ABLIM2: variants seen among roughly 807,000 people sequenced by gnomAD.
ABLIM2 encodes actin-binding LIM protein 2.
In ABLIM2, 53 loss-of-function variants were observed where a neutral mutation model predicts 97.7. The ratio of observed to expected loss-of-function variants is 0.54; its 90% CI spans 0.44 to 0.68. ABLIM2 has a LOEUF of 0.68. Among genes scored for constraint, ABLIM2 ranks in the 30% least tolerant of loss-of-function variants. The probability of loss-of-function intolerance (pLI) is 0.00; values close to 1 mark genes in which losing one functional copy is unlikely to be tolerated. For missense variants in ABLIM2, 835 were observed against 867.2 expected (o/e 0.96, Z 0.47); for synonymous variants, 361 against 345.8 (o/e 1.04, Z -0.49).
At chr4:8,154,615 A>G (rs1236305697) in intron 1 of ABLIM2, among the ~76,000 whole-genome samples, 1 of 152,230 alleles carries the variant, frequency 6.6e-6, no homozygotes, top group African/African-American at 2.4e-5. Context: ...TTCTCCTAAC[A>G]TTAGAAATTC....
Position 8,075,295 on chromosome 4 carries a change from G to A in ABLIM2, c.675+2333C>T, listed in dbSNP as rs565002487. 4.6e-5 allele frequency among the ~76,000 whole-genome samples: 7 copies of A among 152,278 alleles called. No individual in the cohort carries two copies. The highest frequency in any genetic ancestry group is 7.2e-5 in the African/African-American group (3 of 41,556). On this transcript the variant is annotated intron_variant, in intron 6 of 20. Coordinates refer to ENST00000447017, the MANE Select transcript of ABLIM2 (RefSeq NM_001130083.2). The surrounding 1 kb of genome is among the most constrained non-coding windows in gnomAD (Gnocchi z 4.4). ...GTGGTTGCCGAGGGCTTGCGGGTAC[G>A]GGGAGTGACAGCTAAAAGGTATGGG...
Position 8,097,215 on chromosome 4 carries a change from G to C in ABLIM2, c.222C>G (p.Asp74Glu), listed in dbSNP as rs779273091. Residue 74 changes from aspartate (D) to glutamate (E), a missense_variant, in exon 3 of 21, where the codon GAC (aspartate) becomes GAG (glutamate). Physicochemically the swap from Asp to Glu is conservative, Grantham distance 45. Coordinates refer to ENST00000447017, the MANE Select transcript of ABLIM2 (RefSeq NM_001130083.2). ...VRQGEYICTL[D>E]YQRLYGTRCF... The stretch of plus-strand genomic sequence containing the variant: ...AGCGGGTGCCGTAGAGCCTCTGGTA[G>C]TCCAGCGTGCAGATGTACTCGCCCT... The C allele has an allele frequency of 4.0e-5, 63 of 1,586,514 alleles. No homozygotes were observed. Among genetic ancestry groups the C allele is most frequent in the Non-Finnish European group, 5.3e-5 (62 of 1,167,286 alleles).
chr4:8,010,685 CT>C, intron 14 of ABLIM2: 1 of 748,002 alleles, frequency 1.3e-6, no homozygotes, highest in Non-Finnish European at 1.6e-6. Flanking sequence ...ATACAAAGCC[CT>C]GCTCTCCCCA....
chr4:7,987,950 C>T (rs1745720162), intron 17 of ABLIM2, among the ~76,000 whole-genome samples: 1 of 152,154 alleles, frequency 6.6e-6, no homozygotes, highest in Non-Finnish European at 1.5e-5. Context: ...GGCTGACTCC[C>T]CTACGCCGCT....
chr4:8,016,202 C>T (rs1454626744), intron 14 of ABLIM2, among the ~76,000 whole-genome samples: 2 of 152,006 alleles, frequency 1.3e-5, no homozygotes, highest in African/African-American at 4.8e-5. Flanking sequence ...CACCACCATG[C>T]CAGGTTAATT....
At chr4:8,047,881 C>T (rs1236993046) in intron 8 of ABLIM2, among the ~76,000 whole-genome samples, 2 of 152,202 alleles carry the variant, frequency 1.3e-5, no homozygotes. Flanking sequence ...GACAGAGAAC[C>T]CTCTCCTCTG....
intron 16 of ABLIM2, among the ~76,000 whole-genome samples, chr4:7,997,209 C>G (rs1753904459): frequency 6.6e-6 from 1 of 152,086 alleles, no homozygotes; most frequent in Admixed American, 6.6e-5. Flanking sequence ...GTAACTGAGA[C>G]TATGGGTGCA....
At chr4:8,057,567 G>C (rs796592472) in intron 7 of ABLIM2, among the ~76,000 whole-genome samples, 2 of 152,174 alleles carry the variant, frequency 1.3e-5, no homozygotes, top group African/African-American at 4.8e-5. Context: ...CTGCATAAGA[G>C]GCCTGTGTCC....
In ABLIM2 at chr4:7,999,112, C is replaced by A. The variant is rs1297624715; in HGVS notation, c.1619-6185G>T. On this transcript the variant is annotated intron_variant, in intron 16 of 20. Transcript: ENST00000447017. The surrounding 1 kb of genome is among the most constrained non-coding windows in gnomAD (Gnocchi z 4.4). ...CGGAGTTTTGTTCTTGTTCCCCGGG[C>A]TGGAGTACAATGGCGTGATCTTGGC... Among the ~76,000 whole-genome samples the A allele has an allele frequency of 6.6e-6, 1 of 152,116 alleles. No homozygotes were observed. The highest frequency in any genetic ancestry group is 1.9e-4 in the East Asian group (1 of 5,186).
chr4:8,138,894 G>C (rs1035541407), intron 1 of ABLIM2, among the ~76,000 whole-genome samples: 6 of 152,222 alleles, frequency 3.9e-5, no homozygotes, highest in Non-Finnish European at 7.3e-5. Flanking sequence ...CTTCTGCACA[G>C]CAAAAGAAAC....
intron 12 of ABLIM2, 142 bp downstream of exon 12, chr4:8,027,617 A>G (rs1778225429): frequency 1.8e-6 from 1 of 553,030 alleles, no homozygotes; most frequent in Non-Finnish European, 3.0e-6. Context: ...GGAGCCAGAC[A>G]CACAAGACAC....
intron 1 of ABLIM2, among the ~76,000 whole-genome samples, chr4:8,145,820 C>T (rs555268411): frequency 1.3e-4 from 19 of 151,570 alleles, no homozygotes; most frequent in African/African-American, 3.9e-4. Context: ...ATGTCAATAC[C>T]GCTCACAGCC....
chr4:8,125,622 T>C lies in ABLIM2; in HGVS notation c.11-18985A>G, dbSNP rs1460462168. Among the ~76,000 whole-genome samples, 2 of 152,218 alleles carry C rather than the reference T, an allele frequency of 1.3e-5. No homozygotes were observed. The highest frequency in any genetic ancestry group is 6.5e-5 in the Admixed American group (1 of 15,304). On this transcript the variant is annotated intron_variant, in intron 1 of 20. Transcript: ENST00000447017. This position sits in a 1 kb window ranked among gnomAD's most constrained non-coding sequence, Gnocchi z 6.2. ...GCCGGGGCTGCTTCTGGGATGGTCGTGGTTGGCTCTGCCATCAGTGTGACG... is the reference window on the plus strand; with the variant it reads ...GCCGGGGCTGCTTCTGGGATGGTCGCGGTTGGCTCTGCCATCAGTGTGACG...
chr4:7,991,647 G>A (rs566882367), intron 17 of ABLIM2, among the ~76,000 whole-genome samples: 44 of 152,358 alleles, frequency 2.9e-4, no homozygotes, highest in African/African-American at 1.0e-3. Flanking sequence ...AAAGAAGCGT[G>A]CCACATGCAT....
chr4:8,091,831 AAT>A (rs1459743043), intron 3 of ABLIM2, among the ~76,000 whole-genome samples: 3 of 96,828 alleles, frequency 3.1e-5, no homozygotes, highest in Non-Finnish European at 5.6e-5. Flanking sequence ...ATATTATATA[AAT>A]AATATAATAT....
intron 9 of ABLIM2, among the ~76,000 whole-genome samples, chr4:8,037,423 G>C (rs1252686895): frequency 6.6e-6 from 1 of 151,744 alleles, no homozygotes; most frequent in African/African-American, 2.4e-5. Flanking sequence ...GTCTGAGACT[G>C]TGGAGGTATA....
At chr4:8,134,183 C>T (rs1052849332) in intron 1 of ABLIM2, among the ~76,000 whole-genome samples, 10 of 152,166 alleles carry the variant, frequency 6.6e-5, no homozygotes, top group African/African-American at 1.4e-4. Context: ...GGATGTTGAG[C>T]GGCCATGAGG....
At chr4:8,034,204 T>C (rs1159677009) in intron 10 of ABLIM2, among the ~76,000 whole-genome samples, 1 of 152,026 alleles carries the variant, frequency 6.6e-6, no homozygotes, top group Non-Finnish European at 1.5e-5. Context: ...AGACCAGATG[T>C]TGGACAATAA....
chr4:8,128,815 G>A lies in ABLIM2; in HGVS notation c.11-22178C>T, dbSNP rs1848908359. Among the ~76,000 whole-genome samples, 2 of 152,170 alleles carry A rather than the reference G, an allele frequency of 1.3e-5. No homozygotes were observed. The highest frequency in any genetic ancestry group is 4.8e-5 in the African/African-American group (2 of 41,434). On this transcript the variant is annotated intron_variant, in intron 1 of 20. Coordinates refer to ENST00000447017, the MANE Select transcript of ABLIM2 (RefSeq NM_001130083.2). The surrounding 1 kb of genome is among the most constrained non-coding windows in gnomAD (Gnocchi z 4.9). ...AGTGCCCTTGTAAGAAGAGGCCAGA[G>A]GCTGCCTCGCTCTTTCTACCACATG...
Sources: gnomAD v4.1 joint callset for allele counts (sites outside exome capture counted in the v4.1 genomes callset) on GRCh38, gnomAD v4.1.1 for gene constraint, Gnocchi (gnomAD v3.1) non-coding constraint, MANE v1.5 for transcripts, NCBI Gene and HGNC (gene_info 2026-07-23, HGNC 2026-07-21) for gene names.